Variants in SKIL observed in about 807,000 individuals in gnomAD.
SKIL encodes the protein ski-like protein.
Under a neutral mutation model 69.6 loss-of-function variants are expected in SKIL, and 20 were observed. That is an observed-to-expected ratio of 0.29 (90% confidence interval 0.20 to 0.42). The LOEUF (loss-of-function observed/expected upper bound fraction) is 0.42. SKIL is among the 10% of genes least tolerant of loss of function. SKIL has a pLI of 1.00. For missense variants in SKIL, 745 were observed against 783.1 expected (o/e 0.95, Z 0.58); for synonymous variants, 310 against 279.9 (o/e 1.11, Z -1.08).
rs753367994 is a variant in SKIL, at chr3:170,384,501, A to G, written c.1197-32A>G. 4 of 995,314 alleles carry G rather than the reference A, an allele frequency of 4.0e-6. No individual in the cohort carries two copies. The South Asian group carries it at 4.4e-5, about 11-fold the overall frequency. The allele number at this position is 995,314 out of a possible 1,614,324, so 61.7% of individuals were successfully genotyped here. A position where few individuals can be genotyped will look rare whatever the true frequency, so the allele number is the denominator to read the frequency against. ...TTTTTACTTAATTGTAATATGTAAT[A>G]TATGTCTTGTTTTGCTTTTACTTGT... On this transcript the variant is annotated intron_variant, in intron 3 of 6. Transcript: ENST00000259119.
In SKIL at chr3:170,359,762, G is replaced by C. The variant is rs1736128061; in HGVS notation, c.-570G>C. The C allele has an allele frequency of 6.6e-6, 1 of 152,114 alleles. No homozygotes were observed. The highest frequency in any genetic ancestry group is 2.4e-5 in the African/African-American group (1 of 41,400). 9.4% of individuals were successfully genotyped at this position (152,114 alleles called of 1,614,324 possible). A position where few individuals can be genotyped will look rare whatever the true frequency, so the allele number is the denominator to read the frequency against. ...AACTGGGCAATTTTTTAAGTCGGAG[G>C]CTGTTCTTACTGGTGTGAGGATTTA... On this transcript the variant is annotated 5_prime_UTR_variant, in exon 2 of 7. Coordinates refer to ENST00000259119, the MANE Select transcript of SKIL (RefSeq NM_005414.5).
At chr3:170,378,468 C>T (rs1737146601) in intron 2 of SKIL, among the ~76,000 whole-genome samples, 1 of 151,684 alleles carries the variant, frequency 6.6e-6, no homozygotes, top group Non-Finnish European at 1.5e-5. Flanking sequence ...TTCTTGGTTC[C>T]AAACTGGAAT....
At chr3:170,359,429 C>A (rs1428699368) in intron 1 of SKIL, among the ~76,000 whole-genome samples, 2 of 151,944 alleles carry the variant, frequency 1.3e-5, no homozygotes, top group African/African-American at 2.4e-5. Flanking sequence ...AACCCCGTTT[C>A]TACTAAAAAT....
At chr3:170,383,195 A>G (rs1176188746) in intron 3 of SKIL, among the ~76,000 whole-genome samples, 1 of 152,142 alleles carries the variant, frequency 6.6e-6, no homozygotes, top group African/African-American at 2.4e-5. Context: ...CCCTCCAAGT[A>G]TGGTGATAAG....
intron 4 of SKIL, 126 bp downstream of exon 4, chr3:170,384,891 C>T: frequency 1.7e-6 from 1 of 585,976 alleles, no homozygotes; most frequent in Non-Finnish European, 3.0e-6. Flanking sequence ...TTTAAAAATG[C>T]TACCCTTCAA....
Position 170,361,020 on chromosome 3 carries a change from G to A in SKIL, c.689G>A (p.Cys230Tyr). The change falls in exon 2 of 7, where the codon TGT (cysteine) becomes TAT (tyrosine). Residue 230 changes from cysteine (C) to tyrosine (Y), a missense_variant. Cys to Tyr is a radical substitution (Grantham distance 194). Coordinates refer to ENST00000259119, the MANE Select transcript of SKIL (RefSeq NM_005414.5). The stretch of plus-strand genomic sequence containing the variant: ...ACATTAACTGATGCACAAAGATTAT[G>A]TAATGCTTTATTGCGGCCACGAACT... ...LITLTDAQRL[C>Y]NALLRPRTFP... The A allele has an allele frequency of 1.2e-6, 2 of 1,614,218 alleles. No individual in the cohort carries two copies. Among genetic ancestry groups the A allele is most frequent in the Admixed American group, 1.7e-5 (1 of 60,020 alleles).
rs1195134744 is a variant in SKIL, at chr3:170,384,535, A to T, written c.1199A>T (p.Tyr400Phe). Residue 400 changes from tyrosine (Y) to phenylalanine (F), a missense_variant and splice_region_variant, in exon 4 of 7, where the codon TAC becomes TTC. Physicochemically the swap from Tyr to Phe is conservative, Grantham distance 22. Coordinates refer to ENST00000259119, the MANE Select transcript of SKIL (RefSeq NM_005414.5). ...GTTTTGCTTTTACTTGTTTTCAGCT[A>T]CTACTTATACATGTGTGATAAAGTG... ...SQTHSFLHPS[Y>F]YLYMCDKVVA... 34 of 1,482,292 alleles carry T rather than the reference A, an allele frequency of 2.3e-5. No homozygotes were observed. Among genetic ancestry groups the T allele is most frequent in the Non-Finnish European group, 3.2e-5 (34 of 1,076,384 alleles). The allele number at this position is 1,482,292 out of a possible 1,614,324, so 91.8% of individuals were successfully genotyped here.
intron 4 of SKIL, among the ~76,000 whole-genome samples, chr3:170,388,294 A>AT: frequency 6.6e-6 from 1 of 152,238 alleles, no homozygotes; most frequent in South Asian, 2.1e-4. Context: ...TTTCTTGGAC[A>AT]TTGCATATCT....
At chr3:170,359,267 T>C (rs1436467251) in intron 1 of SKIL, among the ~76,000 whole-genome samples, 1 of 152,248 alleles carries the variant, frequency 6.6e-6, no homozygotes, top group African/African-American at 2.4e-5. Context: ...TCACTCAAGC[T>C]TCACCTTGGT....
intron 2 of SKIL, among the ~76,000 whole-genome samples, chr3:170,377,174 T>TAA (rs995363437): frequency 5.3e-5 from 8 of 152,144 alleles, no homozygotes; most frequent in African/African-American, 1.9e-4. Flanking sequence ...GTTTGTTTTA[T>TAA]AAATAAGCAG....
At position 170,395,272 on chromosome 3, in the gene SKIL, A is replaced by G. The variant is rs974800740; in HGVS notation, c.*2855A>G. On this transcript the variant is annotated 3_prime_UTR_variant, in exon 7 of 7. Transcript: ENST00000259119. Reference sequence around the variant, plus strand: ...AAATTTCACAAATGTAACTTATAACACTATGAAAAGATTTGACCAACAATT... The same window carrying G: ...AAATTTCACAAATGTAACTTATAACGCTATGAAAAGATTTGACCAACAATT... The G allele has an allele frequency of 6.6e-6, 1 of 152,108 alleles. No individual in the cohort carries two copies. Among genetic ancestry groups the G allele is most frequent in the Non-Finnish European group, 1.5e-5 (1 of 67,966 alleles). The allele number at this position is 152,108 out of a possible 1,614,324, so 9.4% of individuals were successfully genotyped here.
At chr3:170,367,689 G>A (rs1211057243) in intron 2 of SKIL, among the ~76,000 whole-genome samples, 1 of 149,726 alleles carries the variant, frequency 6.7e-6, no homozygotes, top group Non-Finnish European at 1.5e-5. Flanking sequence ...GGCTGGTCTC[G>A]AACTCCTGAT....
chr3:170,378,979 T>C (rs1000072585), intron 2 of SKIL, among the ~76,000 whole-genome samples: 1 of 152,092 alleles, frequency 6.6e-6, no homozygotes, highest in Middle Eastern at 3.4e-3. Flanking sequence ...TGGGTTCAAG[T>C]GAGTCTCCTG....
intron 2 of SKIL, among the ~76,000 whole-genome samples, chr3:170,365,945 G>A (rs1318258013): frequency 6.6e-6 from 1 of 151,616 alleles, no homozygotes; most frequent in East Asian, 1.9e-4. Context: ...TAGTCCAGAC[G>A]GGGTTTCACC....
At chr3:170,361,631 G>T (rs774632852) in intron 2 of SKIL, among the ~76,000 whole-genome samples, 17 of 152,308 alleles carry the variant, frequency 1.1e-4, no homozygotes, top group Non-Finnish European at 1.6e-4. Context: ...CAAACATCCT[G>T]TGAGAGAAGT....
At chr3:170,380,825 A>G (rs1356164911) in intron 2 of SKIL, among the ~76,000 whole-genome samples, 3 of 152,034 alleles carry the variant, frequency 2.0e-5, no homozygotes, top group South Asian at 2.1e-4. Context: ...GCCTTATTGG[A>G]AGATGACTCT....
chr3:170,373,733 A>T (rs1052629067), intron 2 of SKIL, among the ~76,000 whole-genome samples: 7 of 150,114 alleles, frequency 4.7e-5, no homozygotes, highest in East Asian at 4.7e-4. Flanking sequence ...AAAAAAAATT[A>T]AAAAAAAATT....
intron 2 of SKIL, among the ~76,000 whole-genome samples, chr3:170,362,127 T>C (rs1736273203): frequency 6.6e-6 from 1 of 152,158 alleles, no homozygotes; most frequent in Non-Finnish European, 1.5e-5. Flanking sequence ...GACATGTATC[T>C]GAAGAATTTG....
chr3:170,368,117 G>T (rs997583924), intron 2 of SKIL, among the ~76,000 whole-genome samples: 4 of 152,168 alleles, frequency 2.6e-5, no homozygotes, highest in Non-Finnish European at 5.9e-5. Context: ...CAACTACAAA[G>T]AGTTGTGTTG....
Sources: gnomAD v4.1 joint callset for allele counts (sites outside exome capture counted in the v4.1 genomes callset) on GRCh38, gnomAD v4.1.1 for gene constraint, MANE v1.5 for transcripts, NCBI Gene and HGNC (gene_info 2026-07-23, HGNC 2026-07-21) for gene names.